Variants in SUCLG2 observed in about 807,000 individuals in gnomAD.
SUCLG2 encodes the protein succinate--CoA ligase [GDP-forming] subunit beta, mitochondrial.
Under a neutral mutation model 47.9 loss-of-function variants are expected in SUCLG2, and 42 were observed. The observed-to-expected ratio is 0.88, with a 90% CI of 0.69 to 1.14. The LOEUF (loss-of-function observed/expected upper bound fraction) is 1.14. Ranked by LOEUF, SUCLG2 falls within the 50% of genes most tolerant of loss-of-function variation. The pLI, the probability that SUCLG2 is intolerant of heterozygous loss-of-function variation, is 0.00. For synonymous variants in SUCLG2, 195 were observed against 197.3 expected (o/e 0.99, Z 0.10); for missense variants, 571 against 525.9 (o/e 1.09, Z -0.84).
intron 6 of SUCLG2, among the ~76,000 whole-genome samples, chr3:67,513,010 T>C (rs1331686973): frequency 6.6e-6 from 1 of 150,764 alleles, no homozygotes; most frequent in East Asian, 1.9e-4. Context: ...ACCAGATATA[T>C]AGAGATATTA....
intron 9 of SUCLG2, among the ~76,000 whole-genome samples, chr3:67,429,675 A>C (rs1440512821): frequency 6.6e-6 from 1 of 152,204 alleles, no homozygotes; most frequent in Non-Finnish European, 1.5e-5. Flanking sequence ...AAGAGTCAAG[A>C]CCCATCAGTG....
At chr3:67,571,151 T>C (rs559320644) in intron 2 of SUCLG2, among the ~76,000 whole-genome samples, 2 of 152,266 alleles carry the variant, frequency 1.3e-5, no homozygotes, top group African/African-American at 4.8e-5. Context: ...ACAGTGATTC[T>C]AAACCTGAGG....
intron 9 of SUCLG2, among the ~76,000 whole-genome samples, chr3:67,446,417 ATTTTTTTTTTTTTTT>A (rs750956324): frequency 5.9e-3 from 189 of 32,202 alleles, no homozygotes; most frequent in African/African-American, 0.022. Flanking sequence ...ACATATGTAC[ATTTTTTTTTTTTTTT>A]TTTTTTTTTT....
At chr3:67,568,947 A>T (rs1707540853) in intron 2 of SUCLG2, among the ~76,000 whole-genome samples, 2 of 152,232 alleles carry the variant, frequency 1.3e-5, no homozygotes, top group Non-Finnish European at 1.5e-5. Flanking sequence ...TTAGAGCTAT[A>T]TGGAGTTTCC....
intron 10 of SUCLG2, among the ~76,000 whole-genome samples, chr3:67,368,755 G>A (rs781421978): frequency 4.6e-5 from 7 of 152,036 alleles, no homozygotes; most frequent in Middle Eastern, 3.4e-3. Flanking sequence ...ACAGGTACCC[G>A]CCACCACATC....
At chr3:67,418,062 T>C (rs1703074952) in intron 9 of SUCLG2, among the ~76,000 whole-genome samples, 1 of 152,172 alleles carries the variant, frequency 6.6e-6, no homozygotes, top group Non-Finnish European at 1.5e-5. Flanking sequence ...ATGCAGTAGG[T>C]TCTGATTCTG....
chr3:67,419,905 A>G (rs1703116736), intron 9 of SUCLG2, among the ~76,000 whole-genome samples: 1 of 152,206 alleles, frequency 6.6e-6, no homozygotes, highest in African/African-American at 2.4e-5. Flanking sequence ...TCACAGAGGC[A>G]TGTTTCTCTT....
At chr3:67,490,836 G>A (rs1372919252) in intron 9 of SUCLG2, among the ~76,000 whole-genome samples, 1 of 152,146 alleles carries the variant, frequency 6.6e-6, no homozygotes, top group Non-Finnish European at 1.5e-5. Context: ...ATGAAAAGGT[G>A]CTCAACCTCA....
At chr3:67,555,282 T>C (rs1199133259) in intron 2 of SUCLG2, among the ~76,000 whole-genome samples, 1 of 152,174 alleles carries the variant, frequency 6.6e-6, no homozygotes, top group Non-Finnish European at 1.5e-5. Flanking sequence ...AATAAATGGT[T>C]GCAGATGCAT....
At chr3:67,504,207 C>G (rs899307407) in intron 7 of SUCLG2, among the ~76,000 whole-genome samples, 1 of 132,736 alleles carries the variant, frequency 7.5e-6, no homozygotes, top group Non-Finnish European at 1.6e-5. Flanking sequence ...CTTTTTAGAA[C>G]TTTTTTTTAG....
chr3:67,390,942 G>C (rs1702366211), intron 10 of SUCLG2, among the ~76,000 whole-genome samples: 1 of 152,066 alleles, frequency 6.6e-6, no homozygotes, highest in Non-Finnish European at 1.5e-5. Context: ...TGTCTGAAGA[G>C]GAATATGCTT....
chr3:67,477,939 C>A (rs1317962962), intron 9 of SUCLG2, among the ~76,000 whole-genome samples: 1 of 152,172 alleles, frequency 6.6e-6, no homozygotes, highest in Non-Finnish European at 1.5e-5. Flanking sequence ...TTGCCAGAAA[C>A]TGTTTTAACA....
At chr3:67,604,298 T>A (rs1708482091) in intron 2 of SUCLG2, among the ~76,000 whole-genome samples, 1 of 152,238 alleles carries the variant, frequency 6.6e-6, no homozygotes, top group Non-Finnish European at 1.5e-5. Flanking sequence ...TTTCTATATA[T>A]TGCACCTTAA....
At chr3:67,527,016 G>A (rs973621971) in intron 4 of SUCLG2, among the ~76,000 whole-genome samples, 5 of 152,150 alleles carry the variant, frequency 3.3e-5, no homozygotes, top group African/African-American at 1.2e-4. Flanking sequence ...GGACTGTAAC[G>A]GGATTATTAC....
At chr3:67,617,091 G>A (rs535931696) in intron 1 of SUCLG2, among the ~76,000 whole-genome samples, 1 of 152,084 alleles carries the variant, frequency 6.6e-6, no homozygotes, top group Non-Finnish European at 1.5e-5. Flanking sequence ...GGAAATATGA[G>A]GCCTCAAATA....
intron 9 of SUCLG2, among the ~76,000 whole-genome samples, chr3:67,430,809 G>T (rs1023693295): frequency 1.3e-5 from 2 of 152,078 alleles, no homozygotes; most frequent in African/African-American, 2.4e-5. Context: ...TACCATCAGA[G>T]AATACTATAA....
chr3:67,448,653 A>G (rs898694556), intron 9 of SUCLG2, among the ~76,000 whole-genome samples: 1 of 152,222 alleles, frequency 6.6e-6, no homozygotes, highest in African/African-American at 2.4e-5. Context: ...TTTTTGTTTC[A>G]AAAAGTAGAT....
chr3:67,360,768 C>T lies in SUCLG2; in HGVS notation c.1184G>A (p.Gly395Asp), dbSNP rs1292507957. ...ACTTCCTTTTTTTTCCATAAAAGTA[C>T]CTGAAATTGGAGTGAGATTCTTGTA... The change falls in exon 11 of 11, where the codon GGT becomes GAT. Residue 395 changes from glycine to aspartate, a missense_variant and splice_region_variant. Coordinates refer to the SUCLG2 transcript ENST00000493112. 3.3e-6 allele frequency: 5 copies of T among 1,509,122 alleles called. No homozygotes were observed. In the South Asian group the frequency reaches 6.4e-5, roughly 19 times the overall value. The allele number at this position is 1,509,122 out of a possible 1,614,324, so 93.5% of individuals were successfully genotyped here.
At chr3:67,396,741 G>A (rs561657671) in intron 10 of SUCLG2, among the ~76,000 whole-genome samples, 55 of 152,080 alleles carry the variant, frequency 3.6e-4, no homozygotes, top group Non-Finnish European at 5.1e-4. Context: ...TTAGACCAAC[G>A]TTCTTGATGA....
Sources: gnomAD v4.1 joint callset for allele counts (sites outside exome capture counted in the v4.1 genomes callset) on GRCh38, gnomAD v4.1.1 for gene constraint, MANE v1.5 for transcripts, NCBI Gene and HGNC (gene_info 2026-07-23, HGNC 2026-07-21) for gene names.